Variants in EPHA2 observed in about 807,000 individuals in gnomAD.
The protein encoded by EPHA2 is ephrin type-A receptor 2.
EPHA2 carries 54 observed loss-of-function variants against 104.9 expected under a neutral mutation model. That is an observed-to-expected ratio of 0.51 (90% CI 0.41 to 0.65). The LOEUF is 0.65. Ranked by LOEUF, EPHA2 falls within the 30% of genes least tolerant of loss-of-function variation. EPHA2 has a pLI of 0.00. For missense variants in EPHA2, 1,117 were observed against 1,369.5 expected, an observed-to-expected ratio of 0.82 and a Z score of 2.91; for synonymous variants, 560 against 559.1, an observed-to-expected ratio of 1.00 and a Z score of -0.02.
At chr1:16,132,473 G>C in intron 11 of EPHA2, 34 bp from the exon 12 acceptor site, 2 of 1,612,476 alleles carry the variant, frequency 1.2e-6, no homozygotes, top group Non-Finnish European at 1.7e-6. Context: ...AGAGGTAAGT[G>C]GGCCCAGGCA....
intron 5 of EPHA2, among the ~76,000 whole-genome samples, chr1:16,136,869 G>A (rs1432926582): frequency 6.6e-6 from 1 of 150,674 alleles, no homozygotes; most frequent in Non-Finnish European, 1.5e-5. Context: ...TGCGATCTCG[G>A]CTCACCGCAA....
In EPHA2 at chr1:16,150,998, G is replaced by C. The variant is rs745857077; in HGVS notation, c.86-35C>G. 1 of 1,608,448 alleles carries C rather than the reference G, an allele frequency of 6.2e-7. No homozygotes were observed. Among genetic ancestry groups the C allele is most frequent in the South Asian group, 1.1e-5 (1 of 90,962 alleles). On this transcript the variant is annotated intron_variant, in intron 1 of 16. Transcript: ENST00000358432. This position sits in a 1 kb window ranked among gnomAD's most constrained non-coding sequence, Gnocchi z 4.8. The stretch of plus-strand genomic sequence containing the variant: ...AGAAGGGAGAGGGGGTGAGCCTGGG[G>C]GTGTCTTCAGGAGTCAGACCATGGC...
At chr1:16,155,248 G>C (rs368519000) in intron 1 of EPHA2, 2 of 152,428 alleles carry the variant, frequency 1.3e-5, no homozygotes, top group Middle Eastern at 6.8e-3. Flanking sequence ...CCGGGAGCCC[G>C]GGAGTGCGGC....
At chr1:16,144,792 G>T (rs1292463516) in intron 3 of EPHA2, among the ~76,000 whole-genome samples, 2 of 150,646 alleles carry the variant, frequency 1.3e-5, no homozygotes, top group Admixed American at 1.3e-4. Context: ...GCCTTCCTGT[G>T]CCAGGCCCCC....
chr1:16,133,138 G>A (rs747864448), intron 11 of EPHA2, 42 bp downstream of exon 11: 1 of 1,610,246 alleles, frequency 6.2e-7, no homozygotes, highest in Non-Finnish European at 8.5e-7. Context: ...CCCCTGCTAA[G>A]TGGCCCCTCT....
At chr1:16,141,240 T>C (rs2024818793) in intron 3 of EPHA2, among the ~76,000 whole-genome samples, 2 of 152,136 alleles carry the variant, frequency 1.3e-5, no homozygotes, top group Admixed American at 6.5e-5. Context: ...CTGGGCACTT[T>C]TGTGTCTGTG....
intron 4 of EPHA2, 42 bp downstream of exon 4, chr1:16,138,233 G>A (rs766338458): frequency 4.2e-5 from 67 of 1,612,118 alleles, no homozygotes; most frequent in African/African-American, 5.3e-5. Flanking sequence ...AGGCGGACAC[G>A]TCACCCTCAG....
At position 16,134,001 on chromosome 1, in the gene EPHA2, C is replaced by T; in HGVS notation, c.1683-86G>A. On this transcript the variant is annotated intron_variant, in intron 8 of 16. Coordinates refer to ENST00000358432, the MANE Select transcript of EPHA2 (RefSeq NM_004431.5). The surrounding 1 kb of genome is among the most constrained non-coding windows in gnomAD (Gnocchi z 4.5). ...GAAGCCTCCTGGCCCTACTTTGGTC[C>T]TAGGAGGACCTGGGGTGCTCAGAAT... 1 of 1,389,674 alleles carries T rather than the reference C, an allele frequency of 7.2e-7. No individual in the cohort carries two copies. Among genetic ancestry groups the T allele is most frequent in the Non-Finnish European group, 9.8e-7 (1 of 1,019,436 alleles). The allele number at this position is 1,389,674 out of a possible 1,614,324, so 86.1% of individuals were successfully genotyped here.
chr1:16,124,824 G>T lies in EPHA2; in HGVS notation c.*391C>A. Reference sequence around the variant, plus strand: ...TTAGTGTGAGGAAATGGGGCTTGAGGTACCCTGTTTACTTGGCGCTGGGCC... The same window carrying T: ...TTAGTGTGAGGAAATGGGGCTTGAGTTACCCTGTTTACTTGGCGCTGGGCC... On this transcript the variant is annotated 3_prime_UTR_variant, in exon 17 of 17. Coordinates refer to ENST00000358432, the MANE Select transcript of EPHA2 (RefSeq NM_004431.5). 4.1e-6 allele frequency: 1 copy of T among 242,448 alleles called. No individual in the cohort carries two copies. Among genetic ancestry groups the T allele is most frequent in the Non-Finnish European group, 8.4e-6 (1 of 118,686 alleles). 15.0% of individuals were successfully genotyped at this position (242,448 alleles called of 1,614,324 possible).
intron 9 of EPHA2, 114 bp downstream of exon 9, chr1:16,133,746 G>A: frequency 6.7e-7 from 1 of 1,487,932 alleles, no homozygotes; most frequent in Non-Finnish European, 9.0e-7. Flanking sequence ...GCTGCCCACG[G>A]AAGCCTGTGG....
In EPHA2 at chr1:16,132,228, G is replaced by A. The variant is rs376787040; in HGVS notation, c.2161C>T (p.Arg721Trp). Residue 721 changes from arginine to tryptophan, a missense_variant, in exon 13 of 17, where the codon CGG becomes TGG. Coordinates refer to ENST00000358432, the MANE Select transcript of EPHA2 (RefSeq NM_004431.5). ...TACTTCATGCCAGCTGCGATGCCCC[G>A]CAGCATGCCCACCAGCTGCAGCACG... ...FSVLQLVGML[R>W]GIAAGMKYLA... 50 of 1,614,028 alleles carry A rather than the reference G, an allele frequency of 3.1e-5. No homozygotes were observed. In the Admixed American group the frequency reaches 4.3e-4, roughly 14 times the overall value.
At position 16,135,240 on chromosome 1, in the gene EPHA2, C is replaced by T. The variant is rs2024661110; in HGVS notation, c.1429-51G>A. 6.2e-7 allele frequency: 1 copy of T among 1,610,654 alleles called. No homozygotes were observed. The highest frequency in any genetic ancestry group is 2.2e-5 in the East Asian group (1 of 44,852). ...GCAGGCAGTGAGGGCAGGGCAGGGG[C>T]CTCGGCTCAGCCCGCTGGAGACCAC... On this transcript the variant is annotated intron_variant, in intron 6 of 16. Transcript: ENST00000358432. The surrounding 1 kb of genome is among the most constrained non-coding windows in gnomAD (Gnocchi z 4.3).
rs2024544126 is a variant in EPHA2, at chr1:16,130,087, TAAGTC to T, written c.2669+134_2669+138del. The T allele has an allele frequency of 2.5e-6, 3 of 1,178,476 alleles. No individual in the cohort carries two copies. Among genetic ancestry groups the T allele is most frequent in the African/African-American group, 1.5e-5 (1 of 65,890 alleles). The allele number at this position is 1,178,476 out of a possible 1,614,324, so 73.0% of individuals were successfully genotyped here. On this transcript the variant is annotated intron_variant, in intron 15 of 16. Transcript: ENST00000358432. The surrounding 1 kb of genome is among the most constrained non-coding windows in gnomAD (Gnocchi z 4.5). ...ATTTCCTGGGCCATCGTGTCCAGTC[TAAGTC>T]AAGTCCACACATAACCTCTTAGCCC...
chr1:16,126,020 TC>T (rs536115883), intron 16 of EPHA2, among the ~76,000 whole-genome samples: 1 of 152,168 alleles, frequency 6.6e-6, no homozygotes, highest in South Asian at 2.1e-4. Context: ...GAAGATGTCT[TC>T]CCTTGGGGAA....
chr1:16,125,116 A>C lies in EPHA2; in HGVS notation c.*99T>G. 1 of 1,136,934 alleles carries C rather than the reference A, an allele frequency of 8.8e-7. No individual in the cohort carries two copies. The highest frequency in any genetic ancestry group is 1.3e-6 in the Non-Finnish European group (1 of 768,262). 70.4% of individuals were successfully genotyped at this position (1,136,934 alleles called of 1,614,324 possible). A position where few individuals can be genotyped will look rare whatever the true frequency, so the allele number is the denominator to read the frequency against. ...GTTGCAGGGGGAGGAAAGAACTAGA[A>C]ATAAATAAAGTCCCCAGTGGCCCAG... On this transcript the variant is annotated 3_prime_UTR_variant, in exon 17 of 17. Transcript: ENST00000358432. This position sits in a 1 kb window ranked among gnomAD's most constrained non-coding sequence, Gnocchi z 4.9.
chr1:16,126,554 A>G (rs997044808), intron 16 of EPHA2, among the ~76,000 whole-genome samples: 2 of 152,212 alleles, frequency 1.3e-5, no homozygotes, highest in Non-Finnish European at 2.9e-5. Flanking sequence ...CATTTGGGAC[A>G]TTTGGGAGAA....
intron 3 of EPHA2, among the ~76,000 whole-genome samples, chr1:16,145,648 C>T (rs762428452): frequency 4.6e-5 from 7 of 152,114 alleles, no homozygotes; most frequent in Non-Finnish European, 8.8e-5. Context: ...AGTGCCCTCT[C>T]CAGGACCCCT....
At chr1:16,147,974 C>A (rs1362327109) in intron 3 of EPHA2, among the ~76,000 whole-genome samples, 6 of 151,778 alleles carry the variant, frequency 4.0e-5, no homozygotes, top group African/African-American at 1.5e-4. Context: ...CGGGTTCAAG[C>A]AATTGATTCT....
intron 16 of EPHA2, among the ~76,000 whole-genome samples, chr1:16,126,114 G>A (rs1445485129): frequency 1.3e-5 from 2 of 152,160 alleles, no homozygotes; most frequent in African/African-American, 4.8e-5. Flanking sequence ...CGAGGGGGAA[G>A]GCAGCATCAG....
Sources: gnomAD v4.1 joint callset for allele counts (sites outside exome capture counted in the v4.1 genomes callset) on GRCh38, gnomAD v4.1.1 for gene constraint, Gnocchi (gnomAD v3.1) non-coding constraint, MANE v1.5 for transcripts, NCBI Gene and HGNC (gene_info 2026-07-23, HGNC 2026-07-21) for gene names.